Variants in HFM1 observed in about 807,000 individuals in gnomAD.
HFM1 encodes helicase for meiosis 1.
A neutral mutation model predicts 192.1 loss-of-function variants in HFM1; 169 were observed. That is an observed-to-expected ratio of 0.88 (90% CI 0.78 to 1.00). The LOEUF (loss-of-function observed/expected upper bound fraction) is 1.00, where lower values mean the gene tolerates loss of function less well. Among genes scored for constraint, HFM1 ranks in the 50% least tolerant of loss-of-function variants. HFM1 has a pLI of 0.00. For synonymous variants in HFM1, 525 were observed against 537.8 expected, an observed-to-expected ratio of 0.98 and a Z score of 0.33; for missense variants, 1,661 against 1,668.0, an observed-to-expected ratio of 1.00 and a Z score of 0.07.
At chr1:91,354,556 G>C (rs375927894) in intron 13 of HFM1, among the ~76,000 whole-genome samples, 4 of 152,060 alleles carry the variant, frequency 2.6e-5, no homozygotes, top group Admixed American at 6.6e-5. Flanking sequence ...CCAAAATGTG[G>C]AAAGTCAAAG....
At chr1:91,315,722 C>T in intron 28 of HFM1, 93 bp downstream of exon 28, 1 of 849,372 alleles carries the variant, frequency 1.2e-6, no homozygotes, top group South Asian at 2.4e-5. Flanking sequence ...TTAGTTGATC[C>T]CACAATGATC....
intron 30 of HFM1, among the ~76,000 whole-genome samples, chr1:91,289,656 T>A (rs1668483445): frequency 6.6e-6 from 1 of 152,100 alleles, no homozygotes; most frequent in South Asian, 2.1e-4. Context: ...AGTCAGGAGC[T>A]AGAGACCAGC....
chr1:91,267,896 T>G lies in HFM1; in HGVS notation c.3773-41A>C, dbSNP rs190639671. The G allele has an allele frequency of 7.0e-3, 7,587 of 1,088,150 alleles. 34 individuals carry two copies. Among genetic ancestry groups the G allele is most frequent in the Non-Finnish European group, 7.9e-3 (5,786 of 730,874 alleles). 67.4% of individuals were successfully genotyped at this position (1,088,150 alleles called of 1,614,324 possible). A position where few individuals can be genotyped will look rare whatever the true frequency, so the allele number is the denominator to read the frequency against. On this transcript the variant is annotated intron_variant, in intron 34 of 38. Coordinates refer to ENST00000370425, the MANE Select transcript of HFM1 (RefSeq NM_001017975.6). ...TGCTTTTATCTGCATCTGTCAAATG[T>G]TGGTTTCCAGATATATTAAGATTTC... is the stretch of plus-strand genomic sequence containing the variant.
At chr1:91,328,354 G>C (rs1653248909) in intron 20 of HFM1, 5 of 1,544,594 alleles carry the variant, frequency 3.2e-6, no homozygotes, top group Non-Finnish European at 8.7e-7. Context: ...GTGTCCCAAA[G>C]GCCAGTCATC....
chr1:91,366,670 T>C (rs1354906708), intron 13 of HFM1, among the ~76,000 whole-genome samples: 5 of 152,134 alleles, frequency 3.3e-5, no homozygotes, highest in Non-Finnish European at 1.5e-5. Context: ...TAGGAACAGC[T>C]CCAGTCTACA....
intron 30 of HFM1, among the ~76,000 whole-genome samples, chr1:91,302,112 G>C (rs1185084349): frequency 6.7e-6 from 1 of 149,914 alleles, no homozygotes; most frequent in Non-Finnish European, 1.5e-5. Context: ...ATCAAAAAGT[G>C]GTTCGTGAAG....
At chr1:91,394,468 GA>G (rs1430422314) in intron 3 of HFM1, 66 bp from the exon 4 acceptor site, 1 of 966,726 alleles carries the variant, frequency 1.0e-6, no homozygotes, top group African/African-American at 1.7e-5. Flanking sequence ...AAATGATGAT[GA>G]AAAACTTTAA....
At position 91,343,459 on chromosome 1, in the gene HFM1, A is replaced by G; in HGVS notation, c.2306T>C (p.Met769Thr). Residue 769 changes from methionine to threonine, a missense_variant, in exon 20 of 39, where the codon ATG (methionine) becomes ACG (threonine). Transcript: ENST00000370425. Reference protein sequence around the residue: ...NDLSSLDLIKMDEGVNFKPTE... With the variant: ...NDLSSLDLIKTDEGVNFKPTE... ...TGGTTTGAAATTAACACCTTCATCC[A>G]TCTTTATTAAGTCCAGGGATGATAA... 1 of 1,446,062 alleles carries G rather than the reference A, an allele frequency of 6.9e-7. No homozygotes were observed. Among genetic ancestry groups the G allele is most frequent in the South Asian group, 1.3e-5 (1 of 75,292 alleles). The allele number at this position is 1,446,062 out of a possible 1,614,324, so 89.6% of individuals were successfully genotyped here. A position where few individuals can be genotyped will look rare whatever the true frequency, so the allele number is the denominator to read the frequency against.
chr1:91,313,917 A>G (rs956480378), intron 29 of HFM1, 40 bp downstream of exon 29: 1 of 1,076,738 alleles, frequency 9.3e-7, no homozygotes, highest in Non-Finnish European at 1.4e-6. Flanking sequence ...ATGCAATTAT[A>G]TTATTTATAT....
chr1:91,385,768 G>T lies in HFM1; in HGVS notation c.561C>A (p.His187Gln). 1 of 1,607,740 alleles carries T rather than the reference G, an allele frequency of 6.2e-7. No homozygotes were observed. Among genetic ancestry groups the T allele is most frequent in the Non-Finnish European group, 8.5e-7 (1 of 1,174,366 alleles). Reference protein sequence around the residue: ...AYSNDNELDSHIGSVKIVQTE... With the variant: ...AYSNDNELDSQIGSVKIVQTE... ...TTTGTACAATTTTCACTGAGCCAATGTGAGAGTCCAATTCATTGTCATTAG... is the reference window on the plus strand; with the variant it reads ...TTTGTACAATTTTCACTGAGCCAATTTGAGAGTCCAATTCATTGTCATTAG... The change falls in exon 5 of 39, where the codon CAC becomes CAA. Residue 187 changes from histidine to glutamine, a missense_variant. Transcript: ENST00000370425.
intron 13 of HFM1, among the ~76,000 whole-genome samples, chr1:91,367,583 C>T (rs573962381): frequency 6.6e-6 from 1 of 152,168 alleles, no homozygotes; most frequent in East Asian, 1.9e-4. Flanking sequence ...GAAAGGACAT[C>T]CACACCAAAA....
intron 20 of HFM1, among the ~76,000 whole-genome samples, chr1:91,327,483 A>G (rs1283009707): frequency 6.6e-6 from 1 of 152,190 alleles, no homozygotes; most frequent in East Asian, 1.9e-4. Context: ...AGATATATAA[A>G]GCAAATATTA....
chr1:91,296,161 C>T (rs1474659539), intron 30 of HFM1, among the ~76,000 whole-genome samples: 15 of 152,128 alleles, frequency 9.9e-5, no homozygotes, highest in Non-Finnish European at 1.5e-4. Context: ...CCTCATGATC[C>T]GCCCACCTTG....
intron 30 of HFM1, among the ~76,000 whole-genome samples, chr1:91,285,029 A>G (rs1352415627): frequency 1.3e-5 from 2 of 152,138 alleles, no homozygotes; most frequent in Non-Finnish European, 2.9e-5. Context: ...GTCTCACAAG[A>G]TTTGATGATT....
chr1:91,316,206 T>C (rs760632361), intron 26 of HFM1, 22 bp from the exon 27 acceptor site: 8 of 1,361,660 alleles, frequency 5.9e-6, no homozygotes, highest in Non-Finnish European at 7.2e-6. Context: ...TACATCATTA[T>C]ATTCTTACCA....
chr1:91,316,432 A>G lies in HFM1; in HGVS notation c.2857T>C (p.Phe953Leu). Residue 953 changes from phenylalanine (F) to leucine (L), a missense_variant, in exon 26 of 39, where the codon TTT becomes CTT. Coordinates refer to ENST00000370425, the MANE Select transcript of HFM1 (RefSeq NM_001017975.6). ...NAIVNAGLTS[F>L]KKIEETDARE... ...GCATCTGTCTCTTCTATTTTTTTAA[A>G]GGAAGTCAAACCAGCATTTACGATT... is the stretch of plus-strand genomic sequence containing the variant. The G allele has an allele frequency of 6.3e-7, 1 of 1,581,384 alleles. No homozygotes were observed. The highest frequency in any genetic ancestry group is 8.6e-7 in the Non-Finnish European group (1 of 1,160,336).
At position 91,401,005 on chromosome 1, in the gene HFM1, GACTT is replaced by G; in HGVS notation, c.71+3_71+6del. 2 of 1,421,048 alleles carry G rather than the reference GACTT, an allele frequency of 1.4e-6. No homozygotes were observed. The highest frequency in any genetic ancestry group is 1.9e-6 in the Non-Finnish European group (2 of 1,034,854). 88.0% of individuals were successfully genotyped at this position (1,421,048 alleles called of 1,614,324 possible). On this transcript the variant is annotated splice_donor_5th_base_variant and intron_variant, in intron 2 of 38. Transcript: ENST00000370425. ...TACTATGCTATCAATCTTTAAGGGA[GACTT>G]ACTTTTCAACTTCATCTGGTTTTTC... is the stretch of plus-strand genomic sequence containing the variant.
intron 20 of HFM1, among the ~76,000 whole-genome samples, chr1:91,326,749 ACTT>A (rs1652971773): frequency 7.2e-6 from 1 of 139,510 alleles, no homozygotes; most frequent in Admixed American, 7.5e-5. Context: ...TGGTGTGTAA[ACTT>A]CTCTTGACTT....
chr1:91,403,867 TTTAC>T (rs1440305169), intron 1 of HFM1, among the ~76,000 whole-genome samples: 23 of 152,334 alleles, frequency 1.5e-4, no homozygotes, highest in African/African-American at 5.5e-4. Context: ...TTCTGTAATC[TTTAC>T]TTATTGTATA....
Sources: allele counts gnomAD v4.1 joint callset (sites outside exome capture counted in the v4.1 genomes callset), GRCh38; gene constraint gnomAD v4.1.1; transcripts MANE v1.5; gene names NCBI Gene and HGNC (gene_info 2026-07-23, HGNC 2026-07-21).